The following IFIH1 variants were observed in gnomAD, a reference collection of about 807,000 sequenced individuals.
IFIH1 encodes the protein interferon induced with helicase C domain 1, also known as interferon-induced helicase C domain-containing protein 1.
IFIH1 carries 125 observed loss-of-function variants against 107.4 expected under a neutral mutation model. The observed-to-expected ratio is 1.16, with a 90% CI of 1.01 to 1.35. The LOEUF (loss-of-function observed/expected upper bound fraction) is 1.35, where lower values mean the gene tolerates loss of function less well. Ranked by LOEUF, IFIH1 falls within the 40% of genes most tolerant of loss-of-function variation. The pLI, the probability that IFIH1 is intolerant of heterozygous loss-of-function variation, is 0.00. For synonymous variants in IFIH1, 458 were observed against 413.2 expected (o/e 1.11, Z -1.31); for missense variants, 1,333 against 1,213.7 (o/e 1.10, Z -1.46).
Position 162,278,470 on chromosome 2 carries a change from G to C in IFIH1, c.1642-142C>G, listed in dbSNP as rs765210488. 6 of 523,268 alleles carry C rather than the reference G, an allele frequency of 1.1e-5. No individual in the cohort carries two copies. The African/African-American group carries it at 1.2e-4, about 10-fold the overall frequency. The allele number at this position is 523,268 out of a possible 1,614,324, so 32.4% of individuals were successfully genotyped here. ...GTAACAGGTTAGTGTCCCATCACTT[G>C]TCTGTACATTTATTTTTGTCAGCTT... On this transcript the variant is annotated intron_variant, in intron 8 of 15. Coordinates refer to ENST00000649979, the MANE Select transcript of IFIH1 (RefSeq NM_022168.4).
rs79454205 is a variant in IFIH1 at position 162,299,714 on chromosome 2, A to G, written c.770-6046T>C. ...CTGGCATTGTATAATTATCCAAATG[A>G]TAAATGGTGTACTTTTAAAAGTGTG... On this transcript the variant is annotated intron_variant, in intron 3 of 15. Transcript: ENST00000649979. Among the ~76,000 whole-genome samples, 1,338 of 152,294 alleles carry G rather than the reference A, an allele frequency of 8.8e-3. 8 individuals are homozygous for G. The highest frequency in any genetic ancestry group is 0.034 in the Middle Eastern group (10 of 294).
chr2:162,312,785 A>G (rs1683403190), intron 1 of IFIH1, among the ~76,000 whole-genome samples: 1 of 152,184 alleles, frequency 6.6e-6, no homozygotes, highest in Non-Finnish European at 1.5e-5. Flanking sequence ...ATAGATGTAA[A>G]TAAGACTGGT....
intron 8 of IFIH1, among the ~76,000 whole-genome samples, chr2:162,279,472 A>G (rs188642659): frequency 4.6e-5 from 7 of 152,214 alleles, no homozygotes; most frequent in African/African-American, 1.7e-4. Flanking sequence ...TTATTCTTAT[A>G]ATTCCTGAAA....
intron 2 of IFIH1, among the ~76,000 whole-genome samples, chr2:162,307,777 C>G (rs181185919): frequency 1.1e-3 from 164 of 152,248 alleles, no homozygotes; most frequent in African/African-American, 3.7e-3. Context: ...AAGAAGAAAA[C>G]TTGGCAATGT....
chr2:162,286,874 T>C (rs748920151), intron 5 of IFIH1, among the ~76,000 whole-genome samples: 10 of 152,054 alleles, frequency 6.6e-5, no homozygotes, highest in East Asian at 5.8e-4. Context: ...TATAATCCAA[T>C]TGAAATTTCA....
chr2:162,310,979 G>T (rs990325019), intron 1 of IFIH1, 46 bp from the exon 2 acceptor site: 5 of 1,471,730 alleles, frequency 3.4e-6, no homozygotes, highest in Non-Finnish European at 3.8e-6. Flanking sequence ...AACATCTTCT[G>T]AATAACCTTA....
chr2:162,292,870 C>G (rs1683020467), intron 4 of IFIH1, among the ~76,000 whole-genome samples: 1 of 151,760 alleles, frequency 6.6e-6, no homozygotes, highest in African/African-American at 2.4e-5. Flanking sequence ...TAGTAGTCAT[C>G]ATGGAAATAT....
intron 5 of IFIH1, among the ~76,000 whole-genome samples, chr2:162,283,489 T>C (rs1200320727): frequency 6.6e-6 from 1 of 151,996 alleles, no homozygotes; most frequent in African/African-American, 2.4e-5. Flanking sequence ...TTGAAGGTCA[T>C]ATCCTAGGAA....
At chr2:162,310,602 C>T (rs1045656812) in intron 2 of IFIH1, 163 bp downstream of exon 2, 3 of 592,864 alleles carry the variant, frequency 5.1e-6, no homozygotes, top group Middle Eastern at 4.4e-4. Context: ...CATCAATTTC[C>T]TCATTTGTTA....
chr2:162,306,705 G>A lies in IFIH1; in HGVS notation c.769+4C>T, dbSNP rs748285029. 9 of 1,613,032 alleles carry A rather than the reference G, an allele frequency of 5.6e-6. No homozygotes were observed. The African/African-American group carries it at 1.2e-4, about 22-fold the overall frequency. On this transcript the variant is annotated splice_donor_region_variant and intron_variant, in intron 3 of 15. Coordinates refer to ENST00000649979, the MANE Select transcript of IFIH1 (RefSeq NM_022168.4). ...GTATTAAAGTACGTATGTGTTTCAAGTACCTGAAACTACAGAAGAATCTGC... is the reference window on the plus strand; with the variant it reads ...GTATTAAAGTACGTATGTGTTTCAAATACCTGAAACTACAGAAGAATCTGC...
At chr2:162,284,020 G>A (rs1682853855) in intron 5 of IFIH1, among the ~76,000 whole-genome samples, 1 of 150,892 alleles carries the variant, frequency 6.6e-6, no homozygotes, top group African/African-American at 2.4e-5. Context: ...TAATCTACCT[G>A]TTACAAACAC....
At chr2:162,269,966 G>A (rs1691003148) in intron 13 of IFIH1, among the ~76,000 whole-genome samples, 1 of 152,102 alleles carries the variant, frequency 6.6e-6, no homozygotes, top group Non-Finnish European at 1.5e-5. Flanking sequence ...GACATTTACA[G>A]TTCAATGAGC....
At chr2:162,314,430 T>TTCTTTCTTTCTTTCTTTCTTTCTC (rs1558877508) in intron 1 of IFIH1, among the ~76,000 whole-genome samples, 3 of 107,414 alleles carry the variant, frequency 2.8e-5, no homozygotes, top group Non-Finnish European at 5.2e-5. Flanking sequence ...CTTTCTTTCT[T>TTCTTTCTTTCTTTCTTTCTTTCTC]TCTTTCTTTC....
chr2:162,279,939 A>C, intron 8 of IFIH1, 57 bp downstream of exon 8: 4 of 934,436 alleles, frequency 4.3e-6, no homozygotes, highest in East Asian at 2.4e-5. Flanking sequence ...AGCCTTTGCC[A>C]TCTTTCTACT....
rs926076285 is a variant in IFIH1 at position 162,310,813 on chromosome 2, C to T, written c.574G>A (p.Glu192Lys). ...GAGCCTGTTAACTCTTGGACAAGTT[C>T]ATTGTTTCCTGTTTGACGAAGAACA... Reference protein sequence around the residue: ...LNVLRQTGNNELVQELTGSDC... With the variant: ...LNVLRQTGNNKLVQELTGSDC... The change falls in exon 2 of 16, where the codon GAA (glutamate) becomes AAA (lysine). Residue 192 changes from glutamate to lysine, a missense_variant. Coordinates refer to ENST00000649979, the MANE Select transcript of IFIH1 (RefSeq NM_022168.4). The T allele has an allele frequency of 2.5e-6, 4 of 1,613,822 alleles. No homozygotes were observed. The highest frequency in any genetic ancestry group is 3.4e-6 in the Non-Finnish European group (4 of 1,179,828).
chr2:162,293,261 A>G (rs1683029044), intron 4 of IFIH1, among the ~76,000 whole-genome samples: 10 of 151,990 alleles, frequency 6.6e-5, no homozygotes, highest in Admixed American at 6.6e-4. Context: ...AGTCTATTTA[A>G]ATGCAGTCAA....
Position 162,268,115 on chromosome 2 carries a change from G to T in IFIH1, c.2779C>A (p.His927Asn). The change falls in exon 14 of 16, where the codon CAT becomes AAT. Residue 927 changes from histidine to asparagine, a missense_variant. His to Asn is a moderately conservative substitution (Grantham distance 68, BLOSUM62 1). Coordinates refer to ENST00000649979, the MANE Select transcript of IFIH1 (RefSeq NM_022168.4). ...GEDIHVIEKM[H>N]HVNMTPEFKE... ...AATTCTGGGGTCATATTGACGTGATGCATTTTCTCAATTACATGGATATCT... is the reference window on the plus strand; with the variant it reads ...AATTCTGGGGTCATATTGACGTGATTCATTTTCTCAATTACATGGATATCT... 1 of 1,606,700 alleles carries T rather than the reference G, an allele frequency of 6.2e-7. No individual in the cohort carries two copies. The highest frequency in any genetic ancestry group is 8.5e-7 in the Non-Finnish European group (1 of 1,177,328).
intron 1 of IFIH1, among the ~76,000 whole-genome samples, chr2:162,315,371 A>T (rs1683470171): frequency 6.6e-6 from 1 of 152,166 alleles, no homozygotes; most frequent in African/African-American, 2.4e-5. Context: ...GGGATGAAAG[A>T]GGTAATTTCT....
rs775244788 is a variant in IFIH1, at chr2:162,288,149, C to T, written c.1081G>A (p.Val361Ile). 3.1e-6 allele frequency: 5 copies of T among 1,608,930 alleles called. No homozygotes were observed. The highest frequency in any genetic ancestry group is 3.4e-6 in the Non-Finnish European group (4 of 1,176,566). Residue 361 changes from valine to isoleucine, a missense_variant, in exon 5 of 16, where the codon GTT becomes ATT. Physicochemically the swap from Val to Ile is conservative, Grantham distance 29. Transcript: ENST00000649979. Reference protein sequence around the residue: ...KKASEPGKVIVLVNKVLLVEQ... With the variant: ...KKASEPGKVIILVNKVLLVEQ... ...TCTTTGAATACCTTATTGACAAGAA[C>T]TATAACTTTTCCAGGCTCAGATGCT... is the stretch of plus-strand genomic sequence containing the variant.
Sources: allele counts gnomAD v4.1 joint callset (sites outside exome capture counted in the v4.1 genomes callset), GRCh38; gene constraint gnomAD v4.1.1; transcripts MANE v1.5; gene names NCBI Gene and HGNC (gene_info 2026-07-23, HGNC 2026-07-21).